WASHC5: variants seen among roughly 807,000 people sequenced by gnomAD.
The protein encoded by WASHC5 is WASH complex subunit 5.
Under a neutral mutation model 150.4 loss-of-function variants are expected in WASHC5, and 101 were observed. That is an observed-to-expected ratio of 0.67 (90% CI 0.57 to 0.79). The LOEUF (loss-of-function observed/expected upper bound fraction) is 0.79, where lower values mean the gene tolerates loss of function less well. Ranked by LOEUF, WASHC5 falls within the 30% of genes least tolerant of loss-of-function variation. WASHC5 has a pLI of 0.00. For synonymous variants in WASHC5, 467 were observed against 491.2 expected (o/e 0.95, Z 0.65); for missense variants, 1,195 against 1,396.3 (o/e 0.86, Z 2.30).
intron 6 of WASHC5, among the ~76,000 whole-genome samples, chr8:125,078,445 G>A (rs924571879): frequency 4.6e-5 from 7 of 152,184 alleles, no homozygotes; most frequent in African/African-American, 7.2e-5. Context: ...CCAGCATTGC[G>A]CATGTGAATG....
intron 26 of WASHC5, among the ~76,000 whole-genome samples, chr8:125,036,647 G>C (rs1815715710): frequency 6.6e-6 from 1 of 151,898 alleles, no homozygotes; most frequent in Admixed American, 6.6e-5. Context: ...ACTCCCATCT[G>C]AGTGACTGAG....
chr8:125,061,056 C>T, intron 12 of WASHC5, 26 bp downstream of exon 12: 1 of 1,311,416 alleles, frequency 7.6e-7, no homozygotes, highest in Non-Finnish European at 1.1e-6. Context: ...GATCCAAGAA[C>T]CTGCATTTAA....
chr8:125,091,752 A>C lies in WASHC5; in HGVS notation c.-262T>G, dbSNP rs1447977878. 3 of 152,188 alleles carry C rather than the reference A, an allele frequency of 2.0e-5. No homozygotes were observed. The highest frequency in any genetic ancestry group is 6.5e-5 in the Admixed American group (1 of 15,270). The allele number at this position is 152,188 out of a possible 1,614,324, so 9.4% of individuals were successfully genotyped here. ...CGGACCTGGAGCGGGTCAGACCCCG[A>C]CTTCCGCCCCTGACTCCCCAGGCGG... On this transcript the variant is annotated 5_prime_UTR_variant, in exon 1 of 29. Coordinates refer to ENST00000318410, the MANE Select transcript of WASHC5 (RefSeq NM_014846.4).
intron 27 of WASHC5, among the ~76,000 whole-genome samples, chr8:125,030,663 A>T (rs940144477): frequency 2.9e-4 from 43 of 146,532 alleles, no homozygotes; most frequent in Non-Finnish European, 6.0e-5. Flanking sequence ...AAAAAAAAAA[A>T]GGACTCATCA....
At chr8:125,064,053 C>T (rs1816679979) in intron 10 of WASHC5, among the ~76,000 whole-genome samples, 1 of 152,214 alleles carries the variant, frequency 6.6e-6, no homozygotes, top group South Asian at 2.1e-4. Context: ...CTAACGTAAA[C>T]AGTCAGGGAC....
chr8:125,065,205 A>G (rs3860844), intron 10 of WASHC5, among the ~76,000 whole-genome samples: 9 of 152,248 alleles, frequency 5.9e-5, no homozygotes, highest in Non-Finnish European at 1.3e-4. Flanking sequence ...TAGGATAGTC[A>G]GAAAGTGACT....
chr8:125,031,666 A>T (rs1586332624), intron 27 of WASHC5, among the ~76,000 whole-genome samples: 1 of 152,202 alleles, frequency 6.6e-6, no homozygotes, highest in South Asian at 2.1e-4. Flanking sequence ...GCAGAGAAGG[A>T]GGCACAGGAC....
Position 125,028,817 on chromosome 8 carries a change from A to T in WASHC5, c.3336-110T>A, listed in dbSNP as rs182977661. ...AACAGATTACCTAATGAAGTCAAAG[A>T]TGAACAAAAACATTGAGCATGCTCT... is the stretch of plus-strand genomic sequence containing the variant. On this transcript the variant is annotated intron_variant, in intron 27 of 28. Transcript: ENST00000318410. 295 of 762,106 alleles carry T rather than the reference A, an allele frequency of 3.9e-4. 2 individuals are homozygous for T. The African/African-American group carries it at 4.6e-3, about 12-fold the overall frequency. The allele number at this position is 762,106 out of a possible 1,614,324, so 47.2% of individuals were successfully genotyped here.
Position 125,059,260 on chromosome 8 carries a change from G to A in WASHC5, c.1726C>T (p.Pro576Ser), listed in dbSNP as rs201037200. ...SIMQESIRVN[P>S]SMVTKLRATF... ...GCTCTGAGTTTAGTAACCATGGATG[G>A]ATTTACCCTTATGCTTTCTTGCATG... Residue 576 changes from proline (P) to serine (S), a missense_variant, in exon 14 of 29, where the codon CCA becomes TCA. Coordinates refer to ENST00000318410, the MANE Select transcript of WASHC5 (RefSeq NM_014846.4). 3 of 1,613,902 alleles carry A rather than the reference G, an allele frequency of 1.9e-6. No homozygotes were observed. The highest frequency in any genetic ancestry group is 1.7e-4 in the Middle Eastern group (1 of 6,060).
chr8:125,045,500 C>T (rs889386726), intron 20 of WASHC5, among the ~76,000 whole-genome samples: 6 of 152,178 alleles, frequency 3.9e-5, no homozygotes, highest in Non-Finnish European at 7.3e-5. Context: ...GTCTGAAATA[C>T]AGATGCCCAG....
chr8:125,059,462 C>A lies in WASHC5; in HGVS notation c.1602G>T (p.Met534Ile). The A allele has an allele frequency of 6.2e-7, 1 of 1,614,012 alleles. No homozygotes were observed. Among genetic ancestry groups the A allele is most frequent in the Non-Finnish European group, 8.5e-7 (1 of 1,179,952 alleles). Residue 534 changes from methionine (M) to isoleucine (I), a missense_variant, in exon 13 of 29, where the codon ATG becomes ATT. By Grantham distance (10) the Met-to-Ile change is conservative (BLOSUM62 1). Around this residue, in one of 3 missense-constraint regions of WASHC5, gnomAD observed 997 missense variants for 1,168.1 expected, o/e 0.85. Transcript: ENST00000318410. The stretch of plus-strand genomic sequence containing the variant: ...CCTCTTTAATGTTAATGGTTCTGAT[C>A]ATTTGATGAAGAAACTTTCGAGTAT... The part of the protein sequence containing the change: ...LADTRKFLHQ[M>I]IRTINIKEEV...
chr8:125,050,637 C>T lies in WASHC5; in HGVS notation c.2126G>A (p.Gly709Glu). ...KVDPKQLLEDGIRKELVKRVA... is the reference protein window; with the variant it reads ...KVDPKQLLEDEIRKELVKRVA... ...GCGCTTCACAAGCTCTTTCCTTATT[C>T]CATCTTCCAGCAACTGCTTTGGATC... Residue 709 changes from glycine to glutamate, a missense_variant, in exon 18 of 29, where the codon GGA (glycine) becomes GAA (glutamate). Gly to Glu is a moderately conservative substitution (Grantham distance 98). Around this residue, in one of 3 missense-constraint regions of WASHC5, gnomAD observed 997 missense variants for 1,168.1 expected, o/e 0.85. Coordinates refer to ENST00000318410, the MANE Select transcript of WASHC5 (RefSeq NM_014846.4). 1 of 1,614,106 alleles carries T rather than the reference C, an allele frequency of 6.2e-7. No individual in the cohort carries two copies. Among genetic ancestry groups the T allele is most frequent in the Non-Finnish European group, 8.5e-7 (1 of 1,179,982 alleles).
intron 23 of WASHC5, among the ~76,000 whole-genome samples, chr8:125,042,855 C>A (rs1815935825): frequency 1.3e-5 from 2 of 152,046 alleles, no homozygotes. Flanking sequence ...GTTTAATGAT[C>A]CAAACAACAA....
chr8:125,089,257 A>T (rs1277910116), intron 1 of WASHC5, among the ~76,000 whole-genome samples: 1 of 152,208 alleles, frequency 6.6e-6, no homozygotes, highest in Admixed American at 6.5e-5. Context: ...GAAGACCACC[A>T]AACTAACCCA....
At position 125,032,403 on chromosome 8, in the gene WASHC5, G is replaced by C. The variant is rs543577397; in HGVS notation, c.3182-9C>G. The C allele has an allele frequency of 5.0e-6, 8 of 1,613,638 alleles. No homozygotes were observed. The East Asian group carries it at 1.1e-4, about 22-fold the overall frequency. ...TTTTCGGCAGACCATTCCTGCAAGG[G>C]AACAAGTTGCAACACCATATGAAGT... On this transcript the variant is annotated splice_polypyrimidine_tract_variant and intron_variant, in intron 26 of 28. Coordinates refer to ENST00000318410, the MANE Select transcript of WASHC5 (RefSeq NM_014846.4).
Position 125,059,542 on chromosome 8 carries a change from C to A in WASHC5, c.1522G>T (p.Val508Phe), listed in dbSNP as rs754799193. The change falls in exon 13 of 29, where the codon GTT (valine) becomes TTT (phenylalanine). Residue 508 changes from valine to phenylalanine, a missense_variant and splice_region_variant. Val to Phe is a conservative substitution (Grantham distance 50). Around this residue, in one of 3 missense-constraint regions of WASHC5, gnomAD observed 997 missense variants for 1,168.1 expected, o/e 0.85. Coordinates refer to ENST00000318410, the MANE Select transcript of WASHC5 (RefSeq NM_014846.4). ...TVQLIQALEE[V>F]QEFHQLESNL... ...GATTCCAACTGGTGGAATTCTTGAA[C>A]CTGTGTTACAGAAATATACTTAATT... The A allele has an allele frequency of 6.8e-6, 11 of 1,612,318 alleles. No homozygotes were observed. Among genetic ancestry groups the A allele is most frequent in the Non-Finnish European group, 9.3e-6 (11 of 1,178,902 alleles).
At chr8:125,063,300 A>G (rs555072446) in intron 11 of WASHC5, among the ~76,000 whole-genome samples, 1 of 152,354 alleles carries the variant, frequency 6.6e-6, no homozygotes, top group South Asian at 2.1e-4. Context: ...AAGATAAGAT[A>G]TAAAACCTGA....
intron 6 of WASHC5, among the ~76,000 whole-genome samples, chr8:125,076,790 T>A (rs1466207580): frequency 6.7e-6 from 1 of 149,992 alleles, no homozygotes; most frequent in African/African-American, 2.5e-5. Flanking sequence ...CCACCACTTC[T>A]CCATTTTTGT....
intron 28 of WASHC5, among the ~76,000 whole-genome samples, chr8:125,025,619 C>T (rs1269013035): frequency 2.6e-5 from 4 of 152,102 alleles, no homozygotes; most frequent in Admixed American, 6.5e-5. Context: ...ACCAGGGAGG[C>T]GGAGGCTGTA....
Sources: allele counts gnomAD v4.1 joint callset (sites outside exome capture counted in the v4.1 genomes callset), GRCh38; gene constraint gnomAD v4.1.1; regional missense constraint gnomAD v4.1.1; transcripts MANE v1.5; gene names NCBI Gene and HGNC (gene_info 2026-07-23, HGNC 2026-07-21).